The following EHBP1 variants were observed in gnomAD, a reference collection of about 807,000 sequenced individuals.
The protein encoded by EHBP1 is EH domain-binding protein 1.
Under a neutral mutation model 144.0 loss-of-function variants are expected in EHBP1, and 55 were observed. The observed-to-expected ratio is 0.38, with a 90% CI of 0.31 to 0.48. EHBP1 has a LOEUF of 0.48. Ranked by LOEUF, EHBP1 falls within the 20% of genes least tolerant of loss-of-function variation. EHBP1 has a pLI of 0.98. For missense variants in EHBP1, 1,200 were observed against 1,364.2 expected (o/e 0.88, Z 1.90); for synonymous variants, 469 against 472.7 (o/e 0.99, Z 0.10).
intron 5 of EHBP1, among the ~76,000 whole-genome samples, chr2:62,819,150 A>T (rs2045679952): frequency 6.6e-6 from 1 of 152,196 alleles, no homozygotes; most frequent in South Asian, 2.1e-4. Flanking sequence ...TAATATAAAG[A>T]AGTACATCAC....
chr2:62,756,661 C>T (rs537649342), intron 3 of EHBP1, among the ~76,000 whole-genome samples: 26 of 150,044 alleles, frequency 1.7e-4, no homozygotes, highest in South Asian at 4.3e-4. Context: ...CCCAGCTACG[C>T]GGGCGCTGAG....
intron 5 of EHBP1, among the ~76,000 whole-genome samples, chr2:62,817,332 C>T (rs1449526361): frequency 1.3e-5 from 2 of 151,946 alleles, no homozygotes; most frequent in African/African-American, 2.4e-5. Context: ...AGGAAGTGGG[C>T]GAGCTAGCCA....
In EHBP1 at chr2:63,026,294, T is replaced by TTGTGTGTGTG. The variant is rs60109170; in HGVS notation, c.3104-11199_3104-11190dup. On this transcript the variant is annotated intron_variant, in intron 19 of 22. Transcript: ENST00000431489. ...TGAGTAATGAATATGGCTCTCTACC[T>TTGTGTGTGTG]TGTGTGTGTGTGTGTGTGTGTGTGT... is the stretch of plus-strand genomic sequence containing the variant. Among the ~76,000 whole-genome samples, 675 of 129,080 alleles carry TTGTGTGTGTG rather than the reference T, an allele frequency of 5.2e-3. 5 individuals are homozygous for TTGTGTGTGTG. The highest frequency in any genetic ancestry group is 0.021 in the East Asian group (88 of 4,182). The allele number at this position is 129,080 out of a possible 152,430, so 84.7% of individuals were successfully genotyped here. A position where few individuals can be genotyped will look rare whatever the true frequency, so the allele number is the denominator to read the frequency against.
At chr2:62,829,568 A>G (rs1267773728) in intron 6 of EHBP1, among the ~76,000 whole-genome samples, 2 of 105,580 alleles carry the variant, frequency 1.9e-5, no homozygotes, top group Non-Finnish European at 1.9e-5. Context: ...GTGGTGTTCT[A>G]TGTTGTGTGT....
intron 1 of EHBP1, among the ~76,000 whole-genome samples, chr2:62,686,142 C>T (rs1292148873): frequency 6.6e-6 from 1 of 152,120 alleles, no homozygotes; most frequent in Non-Finnish European, 1.5e-5. Context: ...GATGACATGC[C>T]ATTGGAAATG....
chr2:62,751,067 T>G (rs953017773), intron 3 of EHBP1, among the ~76,000 whole-genome samples: 14 of 152,234 alleles, frequency 9.2e-5, no homozygotes, highest in African/African-American at 3.4e-4. Context: ...GTGTGAATTT[T>G]GAAAGGGAAT....
chr2:63,002,378 T>G (rs1214155539), intron 19 of EHBP1, among the ~76,000 whole-genome samples: 2 of 152,306 alleles, frequency 1.3e-5, no homozygotes, highest in South Asian at 4.1e-4. Flanking sequence ...CCTTTAGTTT[T>G]ACTTTTAAAA....
chr2:63,011,797 G>T (rs975132919), intron 19 of EHBP1, among the ~76,000 whole-genome samples: 2 of 151,850 alleles, frequency 1.3e-5, no homozygotes, highest in African/African-American at 4.8e-5. Flanking sequence ...AGAAATTTTG[G>T]CAGGAGAATT....
intron 7 of EHBP1, among the ~76,000 whole-genome samples, chr2:62,857,211 TCTTTA>T (rs1558801816): frequency 6.6e-6 from 1 of 152,190 alleles, no homozygotes; most frequent in Non-Finnish European, 1.5e-5. Flanking sequence ...AAAAAAAACC[TCTTTA>T]CTTAATAGAA....
intron 10 of EHBP1, among the ~76,000 whole-genome samples, chr2:62,930,221 C>T (rs2055875793): frequency 6.6e-6 from 1 of 152,090 alleles, no homozygotes; most frequent in Admixed American, 6.6e-5. Flanking sequence ...GCACTTCAGC[C>T]TGGGCAGCAG....
chr2:62,723,138 C>T (rs751236314), intron 2 of EHBP1, among the ~76,000 whole-genome samples: 14 of 152,120 alleles, frequency 9.2e-5, no homozygotes, highest in Admixed American at 6.5e-5. Context: ...TTGAAGGTCT[C>T]GAAGAAATTG....
At chr2:62,944,166 T>G (rs1228989071) in intron 12 of EHBP1, among the ~76,000 whole-genome samples, 3 of 152,242 alleles carry the variant, frequency 2.0e-5, no homozygotes, top group African/African-American at 7.2e-5. Flanking sequence ...TGTGCCATAG[T>G]TGTTATGTAA....
At chr2:62,678,627 AT>A (rs534105367) in intron 1 of EHBP1, among the ~76,000 whole-genome samples, 3 of 151,996 alleles carry the variant, frequency 2.0e-5, no homozygotes, top group African/African-American at 4.8e-5. Flanking sequence ...TATTCAACTC[AT>A]TTTTTTTCAG....
chr2:62,852,468 T>G (rs1318784455), intron 7 of EHBP1, among the ~76,000 whole-genome samples: 1 of 151,992 alleles, frequency 6.6e-6, no homozygotes, highest in African/African-American at 2.4e-5. Flanking sequence ...ACAAAGTTAT[T>G]CCTGTGGGGC....
At chr2:62,680,790 G>A (rs2033485854) in intron 1 of EHBP1, among the ~76,000 whole-genome samples, 1 of 152,162 alleles carries the variant, frequency 6.6e-6, no homozygotes. Context: ...CAATCTGAGA[G>A]TCAAGATTCG....
At chr2:63,033,414 T>C (rs922481515) in intron 19 of EHBP1, among the ~76,000 whole-genome samples, 6 of 152,208 alleles carry the variant, frequency 3.9e-5, no homozygotes, top group African/African-American at 1.4e-4. Flanking sequence ...CTTTAATGAT[T>C]TCATGGTAGA....
intron 1 of EHBP1, among the ~76,000 whole-genome samples, chr2:62,674,711 G>A (rs1238718158): frequency 1.3e-5 from 2 of 152,214 alleles, no homozygotes; most frequent in Non-Finnish European, 2.9e-5. Context: ...CACAAAGTGT[G>A]TTTGTGCAGC....
intron 7 of EHBP1, among the ~76,000 whole-genome samples, chr2:62,834,477 AG>A (rs1170319683): frequency 2.0e-5 from 3 of 152,358 alleles, no homozygotes; most frequent in African/African-American, 7.2e-5. Context: ...AACACCAAAA[AG>A]ATTATCACTT....
intron 6 of EHBP1, among the ~76,000 whole-genome samples, chr2:62,827,664 A>C (rs898058139): frequency 2.0e-5 from 3 of 152,080 alleles, no homozygotes; most frequent in Non-Finnish European, 4.4e-5. Context: ...GCAATTAAGC[A>C]AGTTAACTTT....
Sources: gnomAD v4.1 joint callset for allele counts (sites outside exome capture counted in the v4.1 genomes callset) on GRCh38, gnomAD v4.1.1 for gene constraint, MANE v1.5 for transcripts, NCBI Gene and HGNC (gene_info 2026-07-23, HGNC 2026-07-21) for gene names.